LCA5L: variants seen among roughly 807,000 people sequenced by gnomAD.
LCA5L encodes the protein lebercilin-like protein.
LCA5L carries 35 observed loss-of-function variants against 45.4 expected under a neutral mutation model. That is an observed-to-expected ratio of 0.77 (90% CI 0.59 to 1.02). The LOEUF is 1.02. Among genes scored for constraint, LCA5L ranks in the 50% least tolerant of loss-of-function variants. The probability of loss-of-function intolerance (pLI) is 0.00; values close to 1 mark genes in which losing one functional copy is unlikely to be tolerated. For missense variants in LCA5L, 668 were observed against 761.6 expected (o/e 0.88, Z 1.45); for synonymous variants, 233 against 264.7 (o/e 0.88, Z 1.16).
chr21:39,427,530 T>C (rs373797392), intron 5 of LCA5L, among the ~76,000 whole-genome samples: 83 of 151,962 alleles, frequency 5.5e-4, no homozygotes, highest in African/African-American at 2.0e-3. Flanking sequence ...GGCGTGGTGG[T>C]GGGTGCCTGT....
At chr21:39,427,506 C>T (rs1330501926) in intron 5 of LCA5L, among the ~76,000 whole-genome samples, 2 of 151,134 alleles carry the variant, frequency 1.3e-5, no homozygotes, top group African/African-American at 4.9e-5. Flanking sequence ...ACTAAAAATA[C>T]AAAAAATTAG....
At chr21:39,425,121 G>A (rs749763226) in intron 5 of LCA5L, among the ~76,000 whole-genome samples, 1 of 152,182 alleles carries the variant, frequency 6.6e-6, no homozygotes, top group Non-Finnish European at 1.5e-5. Flanking sequence ...TCTAGATTCG[G>A]AGAAGGAGAA....
Position 39,423,218 on chromosome 21 carries a change from T to C in LCA5L, c.595A>G (p.Ile199Val). 1 of 1,611,880 alleles carries C rather than the reference T, an allele frequency of 6.2e-7. No individual in the cohort carries two copies. Among genetic ancestry groups the C allele is most frequent in the Non-Finnish European group, 8.5e-7 (1 of 1,179,524 alleles). Residue 199 changes from isoleucine to valine, a missense_variant, in exon 6 of 11, where the codon ATT becomes GTT. Coordinates refer to ENST00000288350, the MANE Select transcript of LCA5L (RefSeq NM_152505.4). ...ACTTCATTCTGATGTTTAGCCATAA[T>C]TTGAGGTAGATTATTTTGTGAATTC... ...YENSQNNLPQIMAKHQNEVKN... is the reference protein window; with the variant it reads ...YENSQNNLPQVMAKHQNEVKN...
intron 4 of LCA5L, among the ~76,000 whole-genome samples, chr21:39,428,863 C>A (rs894952945): frequency 1.6e-4 from 24 of 151,694 alleles, no homozygotes; most frequent in African/African-American, 5.6e-4. Context: ...ATCCTCCCAC[C>A]TTGGTCTCAC....
At chr21:39,441,371 G>T (rs1468486038) in intron 2 of LCA5L, among the ~76,000 whole-genome samples, 1 of 152,162 alleles carries the variant, frequency 6.6e-6, no homozygotes, top group African/African-American at 2.4e-5. Flanking sequence ...AAGAAAAAAG[G>T]TATGTTCCCA....
chr21:39,411,864 T>C, intron 7 of LCA5L, 62 bp from the exon 8 acceptor site: 2 of 951,394 alleles, frequency 2.1e-6, no homozygotes, highest in Non-Finnish European at 3.3e-6. Flanking sequence ...CCTGATTTCT[T>C]TTAAAAACAA....
Position 39,428,164 on chromosome 21 carries a change from C to T in LCA5L, c.322+8G>A, listed in dbSNP as rs779025266. On this transcript the variant is annotated splice_region_variant and intron_variant, in intron 5 of 10. Coordinates refer to ENST00000288350, the MANE Select transcript of LCA5L (RefSeq NM_152505.4). ...ATTTGGTCTTGCTTGGGAAATTTTA[C>T]TCCTTACCTTTAGATTGGGAGATTT... The T allele has an allele frequency of 6.6e-7, 1 of 1,526,120 alleles. No individual in the cohort carries two copies. The highest frequency in any genetic ancestry group is 1.4e-5 in the African/African-American group (1 of 72,040). The allele number at this position is 1,526,120 out of a possible 1,614,324, so 94.5% of individuals were successfully genotyped here.
At chr21:39,421,054 G>A (rs564066868) in intron 6 of LCA5L, among the ~76,000 whole-genome samples, 1 of 150,838 alleles carries the variant, frequency 6.6e-6, no homozygotes, top group South Asian at 2.1e-4. Context: ...AATATCACAC[G>A]TTTGGAGCCT....
chr21:39,421,101 G>GTT (rs200770360), intron 6 of LCA5L, among the ~76,000 whole-genome samples: 45 of 125,384 alleles, frequency 3.6e-4, no homozygotes, highest in Admixed American at 4.9e-4. Context: ...TTAACAATTC[G>GTT]TTTTTTTTTT....
intron 6 of LCA5L, chr21:39,421,469 A>T (rs2073760923): frequency 6.6e-6 from 1 of 152,274 alleles, no homozygotes; most frequent in South Asian, 2.1e-4. Context: ...ACTGAATGTT[A>T]TAAAAGGGAC....
intron 7 of LCA5L, among the ~76,000 whole-genome samples, chr21:39,416,591 T>C (rs1438893261): frequency 1.3e-5 from 2 of 152,202 alleles, no homozygotes; most frequent in African/African-American, 4.8e-5. Context: ...ACTCTGAGAA[T>C]ATTGCATACT....
rs554209151 is a variant in LCA5L at position 39,415,534 on chromosome 21, C to G, written c.976-3732G>C. Among the ~76,000 whole-genome samples the G allele has an allele frequency of 3.3e-5, 5 of 152,282 alleles. No homozygotes were observed. The East Asian group carries it at 9.7e-4, about 29-fold the overall frequency. On this transcript the variant is annotated intron_variant, in intron 7 of 10. Coordinates refer to ENST00000288350, the MANE Select transcript of LCA5L (RefSeq NM_152505.4). Reference sequence around the variant, plus strand: ...GACCTCTAATAACTTATTTCAGTATCTGTAGCAAACAAGGGTATCCCTTTT... The same window carrying G: ...GACCTCTAATAACTTATTTCAGTATGTGTAGCAAACAAGGGTATCCCTTTT...
intron 2 of LCA5L, among the ~76,000 whole-genome samples, chr21:39,441,252 G>A (rs997632650): frequency 6.6e-6 from 1 of 152,194 alleles, no homozygotes; most frequent in Non-Finnish European, 1.5e-5. Context: ...GATGCAGTGA[G>A]CTGTGATCGC....
Position 39,405,740 on chromosome 21 carries a change from C to A in LCA5L, c.*142G>T. On this transcript the variant is annotated 3_prime_UTR_variant, in exon 11 of 11. Transcript: ENST00000288350. ...ATTTTTTACTAGATTAGCAATCAAA[C>A]AAAAATTTAATTATCGAAAGTCAAT... 3.5e-6 allele frequency: 2 copies of A among 566,666 alleles called. No homozygotes were observed. The highest frequency in any genetic ancestry group is 5.6e-6 in the Non-Finnish European group (2 of 359,304). The allele number at this position is 566,666 out of a possible 1,614,324, so 35.1% of individuals were successfully genotyped here. A position where few individuals can be genotyped will look rare whatever the true frequency, so the allele number is the denominator to read the frequency against.
At chr21:39,443,404 A>G (rs1258685788) in intron 2 of LCA5L, 1 of 152,432 alleles carries the variant, frequency 6.6e-6, no homozygotes, top group Non-Finnish European at 1.5e-5. Context: ...CTGACAGGGT[A>G]GAGTTTTTGG....
chr21:39,423,609 CG>C (rs759075033), intron 5 of LCA5L, 119 bp from the exon 6 acceptor site: 87 of 791,660 alleles, frequency 1.1e-4, no homozygotes, highest in Middle Eastern at 2.9e-4. Flanking sequence ...TACACACAAG[CG>C]TAAGTGTAAC....
intron 7 of LCA5L, among the ~76,000 whole-genome samples, chr21:39,417,180 G>A (rs577848914): frequency 5.9e-5 from 9 of 152,008 alleles, no homozygotes; most frequent in South Asian, 2.1e-4. Flanking sequence ...TTACAGGCGC[G>A]CACCACCACA....
chr21:39,408,128 C>T (rs1424118915), intron 10 of LCA5L, among the ~76,000 whole-genome samples: 3 of 152,182 alleles, frequency 2.0e-5, no homozygotes, highest in Admixed American at 6.5e-5. Context: ...CCCAGCCTTG[C>T]GGGGCTGCAG....
chr21:39,429,729 G>T (rs1347859867), intron 3 of LCA5L, among the ~76,000 whole-genome samples: 1 of 152,126 alleles, frequency 6.6e-6, no homozygotes, highest in Non-Finnish European at 1.5e-5. Flanking sequence ...AGATTAAGAA[G>T]AATCCAGGCT....
Sources: gnomAD v4.1 joint callset for allele counts (sites outside exome capture counted in the v4.1 genomes callset) on GRCh38, gnomAD v4.1.1 for gene constraint, MANE v1.5 for transcripts, NCBI Gene and HGNC (gene_info 2026-07-23, HGNC 2026-07-21) for gene names.